Variants in SGPP2 observed in about 807,000 individuals in gnomAD.
The protein encoded by SGPP2 is sphingosine-1-phosphate phosphatase 2, also known as sphingosine 1-phosphate phosphohydrolase 2.
Under a neutral mutation model 33.9 loss-of-function variants are expected in SGPP2, and 30 were observed. The observed-to-expected ratio is 0.89, with a 90% CI of 0.66 to 1.20. The LOEUF (loss-of-function observed/expected upper bound fraction) is 1.20, where lower values mean the gene tolerates loss of function less well. SGPP2 is among the 50% of genes most tolerant of loss of function. SGPP2 has a pLI of 0.00. For missense variants in SGPP2, 458 were observed against 532.1 expected (o/e 0.86, Z 1.37); for synonymous variants, 233 against 225.0 (o/e 1.04, Z -0.32).
At chr2:222,486,848 TG>T (rs1466673548) in intron 2 of SGPP2, among the ~76,000 whole-genome samples, 1 of 152,232 alleles carries the variant, frequency 6.6e-6, no homozygotes, top group East Asian at 1.9e-4. Flanking sequence ...GGCTTTTTTT[TG>T]TCTGTATTAA....
chr2:222,470,020 A>G (rs1697814195), intron 1 of SGPP2, among the ~76,000 whole-genome samples: 1 of 152,210 alleles, frequency 6.6e-6, no homozygotes, highest in Non-Finnish European at 1.5e-5. Context: ...AGGAACAGAA[A>G]ACCAAACACC....
intron 1 of SGPP2, among the ~76,000 whole-genome samples, chr2:222,448,694 G>C (rs958094919): frequency 6.6e-6 from 1 of 152,212 alleles, no homozygotes; most frequent in African/African-American, 2.4e-5. Context: ...CCATGCAGAA[G>C]TCTCAAATTC....
intron 2 of SGPP2, among the ~76,000 whole-genome samples, chr2:222,503,003 A>G (rs976983681): frequency 1.3e-5 from 2 of 152,214 alleles, no homozygotes; most frequent in African/African-American, 2.4e-5. Context: ...TAAGTAATGT[A>G]TAACTGGTTT....
chr2:222,534,984 C>T (rs1159735947), intron 4 of SGPP2, among the ~76,000 whole-genome samples: 1 of 152,148 alleles, frequency 6.6e-6, no homozygotes, highest in Non-Finnish European at 1.5e-5. Flanking sequence ...GCATATTTTC[C>T]AGCAAGAACT....
chr2:222,532,851 C>T (rs1326617491), intron 4 of SGPP2, among the ~76,000 whole-genome samples: 1 of 152,130 alleles, frequency 6.6e-6, no homozygotes, highest in African/African-American at 2.4e-5. Context: ...GAAATCAGTA[C>T]TGTCCATGCC....
chr2:222,441,886 A>G (rs911975422), intron 1 of SGPP2, among the ~76,000 whole-genome samples: 2 of 152,210 alleles, frequency 1.3e-5, no homozygotes, highest in African/African-American at 4.8e-5. Context: ...CTTACCTTGA[A>G]GAAATATTTA....
intron 2 of SGPP2, among the ~76,000 whole-genome samples, chr2:222,482,756 C>T (rs570405512): frequency 1.3e-5 from 2 of 152,306 alleles, no homozygotes; most frequent in African/African-American, 4.8e-5. Context: ...CATCTCTGGC[C>T]AATGCATAGA....
chr2:222,520,174 A>G (rs1431041441), intron 2 of SGPP2, among the ~76,000 whole-genome samples: 1 of 152,176 alleles, frequency 6.6e-6, no homozygotes, highest in Non-Finnish European at 1.5e-5. Flanking sequence ...CCTCACCAGC[A>G]TCTTTTGTTT....
intron 2 of SGPP2, among the ~76,000 whole-genome samples, chr2:222,486,543 A>G (rs186868307): frequency 1.3e-5 from 2 of 152,164 alleles, no homozygotes; most frequent in African/African-American, 2.4e-5. Flanking sequence ...AGTATGGACT[A>G]TTTGCCAACT....
intron 4 of SGPP2, among the ~76,000 whole-genome samples, chr2:222,530,414 A>T (rs1181645897): frequency 1.3e-5 from 2 of 152,236 alleles, no homozygotes; most frequent in African/African-American, 4.8e-5. Context: ...AGCCACCTTC[A>T]TCAATGACCT....
chr2:222,552,170 TGA>T (rs1689303782), intron 4 of SGPP2, among the ~76,000 whole-genome samples: 2 of 152,212 alleles, frequency 1.3e-5, no homozygotes, highest in African/African-American at 4.8e-5. Context: ...GCTATAGACA[TGA>T]GTGTGTAAAT....
At chr2:222,513,565 T>G (rs1698561365) in intron 2 of SGPP2, among the ~76,000 whole-genome samples, 1 of 152,124 alleles carries the variant, frequency 6.6e-6, no homozygotes, top group East Asian at 1.9e-4. Flanking sequence ...ATTGCTGTTT[T>G]GGGAAAAATG....
chr2:222,424,893 C>T, intron 1 of SGPP2, 72 bp downstream of exon 1: 3 of 1,178,292 alleles, frequency 2.5e-6, no homozygotes, highest in Non-Finnish European at 3.2e-6. Context: ...TGCGACTCCG[C>T]CACGCGGGGC....
chr2:222,524,891 C>A, intron 3 of SGPP2, 53 bp from the exon 4 acceptor site: 1 of 1,378,482 alleles, frequency 7.3e-7, no homozygotes, highest in Non-Finnish European at 1.0e-6. Flanking sequence ...GACATCAAAT[C>A]ATGTATGTCT....
intron 1 of SGPP2, among the ~76,000 whole-genome samples, chr2:222,428,433 A>T (rs769908479): frequency 6.6e-6 from 1 of 152,236 alleles, no homozygotes; most frequent in Non-Finnish European, 1.5e-5. Context: ...TAGACTCTGC[A>T]GTGCCTTCCT....
chr2:222,529,137 G>C (rs1330205462), intron 4 of SGPP2, among the ~76,000 whole-genome samples: 1 of 152,144 alleles, frequency 6.6e-6, no homozygotes, highest in Non-Finnish European at 1.5e-5. Flanking sequence ...CTACGTTTAT[G>C]TAATATTCTG....
chr2:222,551,313 G>A (rs1314733208), intron 4 of SGPP2, among the ~76,000 whole-genome samples: 1 of 151,922 alleles, frequency 6.6e-6, no homozygotes, highest in Non-Finnish European at 1.5e-5. Context: ...CTCACATACT[G>A]TGCCAAGCAC....
chr2:222,452,725 T>C (rs1000331837), intron 1 of SGPP2: 4 of 1,394,826 alleles, frequency 2.9e-6, no homozygotes, highest in African/African-American at 2.8e-5. Flanking sequence ...TTGCTCCACA[T>C]TGGAAGGTTT....
At position 222,477,195 on chromosome 2, in the gene SGPP2, ATG is replaced by A. The variant is rs1001899246; in HGVS notation, c.378+2476_378+2477del. Among the ~76,000 whole-genome samples the A allele has an allele frequency of 6.7e-6, 1 of 149,956 alleles. No individual in the cohort carries two copies. Among genetic ancestry groups the A allele is most frequent in the African/African-American group, 2.5e-5 (1 of 40,636 alleles). Reference sequence around the variant, plus strand: ...TGTGTATATGTGTATGTGTGTATATATGTGTGTGCATAGGTGCATATATATGT... The same window carrying A: ...TGTGTATATGTGTATGTGTGTATATATGTGTGCATAGGTGCATATATATGT... On this transcript the variant is annotated intron_variant, in intron 2 of 4. Transcript: ENST00000321276. The surrounding 1 kb of genome is among the most constrained non-coding windows in gnomAD (Gnocchi z 6.0).
Sources: allele counts gnomAD v4.1 joint callset (sites outside exome capture counted in the v4.1 genomes callset), GRCh38; gene constraint gnomAD v4.1.1; non-coding constraint Gnocchi (gnomAD v3.1); transcripts MANE v1.5; gene names NCBI Gene and HGNC (gene_info 2026-07-23, HGNC 2026-07-21).